HUWE1: variants seen among roughly 807,000 people sequenced by gnomAD.
The protein encoded by HUWE1 is E3 ubiquitin-protein ligase HUWE1.
A neutral mutation model predicts 299.4 loss-of-function variants in HUWE1; 18 were observed. The observed-to-expected ratio is 0.06, with a 90% CI of 0.04 to 0.09. The LOEUF is 0.09. HUWE1 is among the 10% of genes least tolerant of loss of function. The pLI is 1.00. For synonymous variants in HUWE1, 1,317 were observed against 1,286.1 expected (o/e 1.02, Z -0.51); for missense variants, 1,832 against 3,462.3 (o/e 0.53, Z 11.82).
chrX:53,667,957 T>C (rs1603268518), intron 3 of HUWE1, among the ~76,000 whole-genome samples: 3 of 111,861 alleles, frequency 2.7e-5, no homozygotes, highest in African/African-American at 9.8e-5. Context: ...ATGTTTTCCC[T>C]TGTATTTCCC....
chrX:53,559,556 T>C (rs1184224646), intron 56 of HUWE1, 24 bp from the exon 57 acceptor site: 1 of 1,190,095 alleles, frequency 8.4e-7, no homozygotes, highest in Non-Finnish European at 1.1e-6. Flanking sequence ...GTGGGTACCA[T>C]GATCACTGTT....
intron 60 of HUWE1, 37 bp downstream of exon 60, chrX:53,557,345 T>A (rs781993776): frequency 1.7e-6 from 2 of 1,161,137 alleles, no homozygotes; most frequent in East Asian, 5.9e-5. Flanking sequence ...AAGCAACCAA[T>A]TGATTAGTAA....
At chrX:53,609,595 A>G (rs1557000181) in intron 23 of HUWE1, among the ~76,000 whole-genome samples, 3 of 112,605 alleles carry the variant, frequency 2.7e-5, no homozygotes, top group Non-Finnish European at 5.6e-5. Context: ...TGAGAAGGCT[A>G]CAACATGCCA....
chrX:53,576,270 A>G (rs781828618), intron 44 of HUWE1, among the ~76,000 whole-genome samples: 4 of 112,040 alleles, frequency 3.6e-5, no homozygotes, highest in Non-Finnish European at 5.6e-5. Context: ...GACCTATCAA[A>G]TAAGTATGTC....
chrX:53,560,444 G>T, intron 55 of HUWE1, 28 bp from the exon 56 acceptor site: 8 of 1,153,353 alleles, frequency 6.9e-6, no homozygotes, highest in Non-Finnish European at 9.5e-6. Flanking sequence ...AAAAGGGTCA[G>T]TGTCAAAAAG....
At position 53,542,749 on chromosome X, in the gene HUWE1, C is replaced by A. The variant is rs1269656014; in HGVS notation, c.11380-210G>T. 1.1e-5 allele frequency: 5 copies of A among 436,170 alleles called. No individual in the cohort carries two copies. The East Asian group carries it at 1.2e-4, about 10-fold the overall frequency. The allele number at this position is 436,170 out of a possible 1,213,427, so 35.9% of individuals were successfully genotyped here. On this transcript the variant is annotated intron_variant, in intron 73 of 83. Coordinates refer to ENST00000262854, the MANE Select transcript of HUWE1 (RefSeq NM_031407.7). ...ACTGTGTTTTGTAAGCTTTTCCCAA[C>A]AGCTCCTTGGATGCTTACATTTCCT...
intron 78 of HUWE1, 86 bp downstream of exon 78, chrX:53,537,470 A>G (rs782444875): frequency 2.0e-6 from 2 of 1,022,695 alleles, no homozygotes; most frequent in East Asian, 6.3e-5. Context: ...GCACCTCCCT[A>G]AATTTGAGGC....
At chrX:53,611,719 A>G in intron 23 of HUWE1, among the ~76,000 whole-genome samples, 1 of 109,990 alleles carries the variant, frequency 9.1e-6, no homozygotes, top group African/African-American at 3.3e-5. Context: ...TTAGCAAGGC[A>G]TGGTGGCACG....
At chrX:53,535,570 A>AT in intron 80 of HUWE1, 69 bp from the exon 81 acceptor site, 2 of 698,831 alleles carry the variant, frequency 2.9e-6, no homozygotes, top group East Asian at 3.2e-5. Flanking sequence ...ACCTAGGAAC[A>AT]CACCCTAAAC....
intron 67 of HUWE1, 135 bp downstream of exon 67, chrX:53,548,824 C>T (rs2061653011): frequency 7.3e-6 from 4 of 548,473 alleles, no homozygotes; most frequent in Non-Finnish European, 1.2e-5. Context: ...TAGGACAATC[C>T]CCTAGAAACA....
At chrX:53,600,527 G>C (rs1221928624) in intron 28 of HUWE1, among the ~76,000 whole-genome samples, 1 of 112,480 alleles carries the variant, frequency 8.9e-6, no homozygotes, top group Non-Finnish European at 1.9e-5. Flanking sequence ...GACAGCATAT[G>C]AATAGTATTA....
intron 3 of HUWE1, among the ~76,000 whole-genome samples, chrX:53,664,991 C>A (rs1476008964): frequency 8.9e-6 from 1 of 112,133 alleles, no homozygotes; most frequent in African/African-American, 3.2e-5. Context: ...TTACTCTATA[C>A]CTATTGTGCA....
chrX:53,656,136 G>A (rs1557042837), intron 3 of HUWE1, among the ~76,000 whole-genome samples: 1 of 108,695 alleles, frequency 9.2e-6, no homozygotes, highest in Admixed American at 9.8e-5. Context: ...AGCACTTTGG[G>A]AGGCTGAGGC....
rs193263789 is a variant in HUWE1 at position 53,627,657 on chromosome X, G to A, written c.1383+82C>T. 3.3e-3 allele frequency: 3,119 copies of A among 956,522 alleles called. 7 individuals are homozygous for A. The highest frequency in any genetic ancestry group is 4.2e-3 in the Non-Finnish European group (2,831 of 674,435). The allele number at this position is 956,522 out of a possible 1,213,427, so 78.8% of individuals were successfully genotyped here. ...TAGAAACAGAAGAGACTGTAAGATC[G>A]CTCTTTAGGGTTATCAGGACAATCC... is the stretch of plus-strand genomic sequence containing the variant. On this transcript the variant is annotated intron_variant, in intron 16 of 83. Coordinates refer to ENST00000262854, the MANE Select transcript of HUWE1 (RefSeq NM_031407.7).
At chrX:53,581,838 C>A (rs781947707) in intron 42 of HUWE1, among the ~76,000 whole-genome samples, 1 of 111,531 alleles carries the variant, frequency 9.0e-6, no homozygotes. Flanking sequence ...GGACATTAGA[C>A]CTCTAGTTTC....
intron 81 of HUWE1, 120 bp downstream of exon 81, chrX:53,535,264 T>C: frequency 1.8e-6 from 1 of 557,489 alleles, no homozygotes. Context: ...TGTTTTGTCT[T>C]TTGTGCAAGG....
rs1367761126 is a variant in HUWE1 at position 53,657,186 on chromosome X, G to C, written c.-24-3055C>G. On this transcript the variant is annotated intron_variant, in intron 3 of 83. Coordinates refer to ENST00000262854, the MANE Select transcript of HUWE1 (RefSeq NM_031407.7). ...AAACAATCTCAGTAAACTAGGAATA[G>C]AGAACTTCTTCAAATTGATTAAAAT... Among the ~76,000 whole-genome samples, 3 of 112,351 alleles carry C rather than the reference G, an allele frequency of 2.7e-5. No individual in the cohort carries two copies. The South Asian group carries it at 1.1e-3, about 41-fold the overall frequency.
At chrX:53,558,904 A>G in intron 58 of HUWE1, 67 bp downstream of exon 58, 1 of 1,170,757 alleles carries the variant, frequency 8.5e-7, no homozygotes, top group Non-Finnish European at 1.2e-6. Flanking sequence ...CAGGGAAACA[A>G]CTCTCCACAC....
chrX:53,630,867 T>A (rs1351810920), intron 12 of HUWE1, 68 bp downstream of exon 12: 1 of 638,610 alleles, frequency 1.6e-6, no homozygotes, highest in Non-Finnish European at 2.6e-6. Flanking sequence ...CAAAGATGAA[T>A]GAAGTTCAAA....
Sources: allele counts gnomAD v4.1 joint callset (sites outside exome capture counted in the v4.1 genomes callset), GRCh38; gene constraint gnomAD v4.1.1; transcripts MANE v1.5; gene names NCBI Gene and HGNC (gene_info 2026-07-23, HGNC 2026-07-21).